RPRD1A: variants seen among roughly 807,000 people sequenced by gnomAD.
RPRD1A encodes regulation of nuclear pre-mRNA domain containing 1A.
RPRD1A carries 9 observed loss-of-function variants against 37.8 expected under a neutral mutation model. The ratio of observed to expected loss-of-function variants is 0.24; its 90% CI spans 0.14 to 0.42. RPRD1A has a LOEUF of 0.42. RPRD1A is among the 10% of genes least tolerant of loss of function. The probability of loss-of-function intolerance (pLI) is 1.00; values close to 1 mark genes in which losing one functional copy is unlikely to be tolerated. For synonymous variants in RPRD1A, 138 were observed against 139.7 expected (o/e 0.99, Z 0.08); for missense variants, 255 against 371.0 (o/e 0.69, Z 2.57).
At chr18:36,055,779 T>C (rs189361429) in intron 1 of RPRD1A, among the ~76,000 whole-genome samples, 1 of 152,166 alleles carries the variant, frequency 6.6e-6, no homozygotes, top group African/African-American at 2.4e-5. Context: ...GAAAAAAGCA[T>C]GTCTGAGAGG....
chr18:36,028,990 T>C (rs1265237448), intron 4 of RPRD1A, among the ~76,000 whole-genome samples: 2 of 152,222 alleles, frequency 1.3e-5, no homozygotes, highest in African/African-American at 4.8e-5. Flanking sequence ...ACACTGTTCA[T>C]AGAATCATGA....
At chr18:36,017,011 T>TA (rs200236691) in intron 6 of RPRD1A, among the ~76,000 whole-genome samples, 21,470 of 145,438 alleles carry the variant, frequency 0.15, 1,590 homozygotes, top group African/African-American at 0.19. Flanking sequence ...ACTTTTGCAA[T>TA]AAAAAAAAAA....
chr18:36,055,871 G>A (rs976964082), intron 1 of RPRD1A, among the ~76,000 whole-genome samples: 2 of 152,080 alleles, frequency 1.3e-5, no homozygotes, highest in Admixed American at 1.3e-4. Context: ...AACAGAATGA[G>A]AATGAAAATA....
chr18:35,999,642 C>CA (rs35894007), intron 6 of RPRD1A, among the ~76,000 whole-genome samples: 3,175 of 144,978 alleles, frequency 0.022, 39 homozygotes, highest in Middle Eastern at 0.047. Context: ...ATAATTGTGA[C>CA]AAAAAAAAAA....
chr18:35,990,404 A>T lies in RPRD1A; in HGVS notation c.*2747T>A, dbSNP rs1908651648. On this transcript the variant is annotated 3_prime_UTR_variant, in exon 7 of 7. Transcript: ENST00000399022. ...ATTCTGAAAGATTTCTTATAGAAAAACCCTGATTCAGAGTGCATGTGATAG... is the reference window on the plus strand; with the variant it reads ...ATTCTGAAAGATTTCTTATAGAAAATCCCTGATTCAGAGTGCATGTGATAG... 6.6e-6 allele frequency: 1 copy of T among 152,094 alleles called. No homozygotes were observed. Among genetic ancestry groups the T allele is most frequent in the African/African-American group, 2.4e-5 (1 of 41,416 alleles). The allele number at this position is 152,094 out of a possible 1,614,324, so 9.4% of individuals were successfully genotyped here. A position where few individuals can be genotyped will look rare whatever the true frequency, so the allele number is the denominator to read the frequency against.
intron 6 of RPRD1A, among the ~76,000 whole-genome samples, chr18:36,001,607 T>C (rs1325884227): frequency 3.9e-5 from 6 of 152,166 alleles, no homozygotes; most frequent in Non-Finnish European, 8.8e-5. Context: ...TGGGCTTATG[T>C]TTGTAAGCAA....
chr18:36,049,627 T>C (rs1203840381), intron 1 of RPRD1A, among the ~76,000 whole-genome samples: 3 of 152,242 alleles, frequency 2.0e-5, no homozygotes, highest in African/African-American at 7.2e-5. Context: ...ATCTGTGTTG[T>C]AGCATGTGTC....
At chr18:36,065,528 A>G (rs1475116370) in intron 1 of RPRD1A, among the ~76,000 whole-genome samples, 2 of 152,198 alleles carry the variant, frequency 1.3e-5, no homozygotes, top group South Asian at 2.1e-4. Flanking sequence ...CTTGTTTTCA[A>G]TTTTGTTATT....
intron 6 of RPRD1A, among the ~76,000 whole-genome samples, chr18:36,004,259 ATT>A (rs1909602925): frequency 6.6e-6 from 1 of 151,330 alleles, no homozygotes; most frequent in Non-Finnish European, 1.5e-5. Context: ...TTCCAATCTT[ATT>A]TTCTTTTTTC....
At chr18:36,026,662 A>T (rs3786268) in intron 6 of RPRD1A, 1 of 372,202 alleles carries the variant, frequency 2.7e-6, no homozygotes, top group Non-Finnish European at 4.8e-6. Flanking sequence ...GAATTTCACA[A>T]GAATAATTTT....
intron 6 of RPRD1A, among the ~76,000 whole-genome samples, chr18:36,022,298 C>A (rs952777966): frequency 6.6e-6 from 1 of 152,190 alleles, no homozygotes; most frequent in African/African-American, 2.4e-5. Context: ...CTAAGAACTG[C>A]AGCAAGTTAC....
rs1164754566 is a variant in RPRD1A at position 36,031,083 on chromosome 18, C to T, written c.296G>A (p.Ser99Asn). 6 of 1,545,950 alleles carry T rather than the reference C, an allele frequency of 3.9e-6. No homozygotes were observed. Among genetic ancestry groups the T allele is most frequent in the Non-Finnish European group, 5.2e-6 (6 of 1,156,318 alleles). ...FKHVSSETDE[S>N]CKKHLGRVLS... Reference sequence around the variant, plus strand: ...CACTCTTCCAAGGTGCTTCTTACAACTTTCATCAGTTTCACTAAAAAAAAA... The same window carrying T: ...CACTCTTCCAAGGTGCTTCTTACAATTTTCATCAGTTTCACTAAAAAAAAA... The change falls in exon 3 of 7, where the codon AGT (serine) becomes AAT (asparagine). Residue 99 changes from serine (S) to asparagine (N), a missense_variant. Ser to Asn is a conservative substitution (Grantham distance 46). Coordinates refer to ENST00000399022, the MANE Select transcript of RPRD1A (RefSeq NM_018170.5).
At chr18:36,033,876 T>G (rs1434596055) in intron 1 of RPRD1A, 39 bp from the exon 2 acceptor site, 1 of 1,559,648 alleles carries the variant, frequency 6.4e-7, no homozygotes, top group Non-Finnish European at 8.7e-7. Flanking sequence ...ACTTAAAACA[T>G]CTTTACTTGG....
chr18:36,039,024 G>A (rs1231899482), intron 1 of RPRD1A, among the ~76,000 whole-genome samples: 15 of 152,316 alleles, frequency 9.8e-5, no homozygotes, highest in East Asian at 1.9e-4. Flanking sequence ...TTTGGGCTTG[G>A]ACTTTTGAGT....
Position 36,067,397 on chromosome 18 carries a change from G to A in RPRD1A, c.8C>T (p.Ala3Val), listed in dbSNP as rs774131938. Residue 3 changes from alanine to valine, a missense_variant, in exon 1 of 7, where the codon GCC (alanine) becomes GTC (valine). Physicochemically the swap from Ala to Val is moderately conservative, Grantham distance 64. This residue lies in a region of RPRD1A where 44 missense variants were observed against 102.1 expected (regional missense o/e 0.43). Transcript: ENST00000399022. MS[A>V]FSEAALEKKL... The stretch of plus-strand genomic sequence containing the variant: ...CTTCTCCAGCGCCGCCTCAGAGAAG[G>A]CTGACATCCCTCCGACACCACGTTC... 1.1e-5 allele frequency: 17 copies of A among 1,606,696 alleles called. No homozygotes were observed. The highest frequency in any genetic ancestry group is 4.5e-5 in the South Asian group (4 of 89,688).
intron 1 of RPRD1A, among the ~76,000 whole-genome samples, chr18:36,050,811 T>C (rs142430418): frequency 1.4e-4 from 21 of 151,982 alleles, no homozygotes; most frequent in African/African-American, 4.6e-4. Context: ...TCCAAAAGTG[T>C]TGGGATTACA....
At chr18:36,020,216 A>C (rs1451398728) in intron 6 of RPRD1A, among the ~76,000 whole-genome samples, 1 of 152,224 alleles carries the variant, frequency 6.6e-6, no homozygotes, top group Non-Finnish European at 1.5e-5. Context: ...TAAGGTTGAC[A>C]AGAAGGATCA....
intron 6 of RPRD1A, among the ~76,000 whole-genome samples, chr18:36,000,623 C>T (rs1315564364): frequency 6.6e-6 from 1 of 152,206 alleles, no homozygotes; most frequent in Non-Finnish European, 1.5e-5. Context: ...TTATACCACA[C>T]TGTGACCCTA....
intron 1 of RPRD1A, among the ~76,000 whole-genome samples, chr18:36,046,206 G>A (rs866621054): frequency 6.6e-6 from 1 of 152,094 alleles, no homozygotes; most frequent in Non-Finnish European, 1.5e-5. Context: ...AAAACGGTAA[G>A]CCTAGACTTC....
Sources: gnomAD v4.1 joint callset for allele counts (sites outside exome capture counted in the v4.1 genomes callset) on GRCh38, gnomAD v4.1.1 for gene constraint, gnomAD v4.1.1 regional missense constraint, MANE v1.5 for transcripts, NCBI Gene and HGNC (gene_info 2026-07-23, HGNC 2026-07-21) for gene names.